Variants in FSTL5 observed in about 807,000 individuals in gnomAD.
The protein encoded by FSTL5 is follistatin-related protein 5.
In FSTL5, 62 loss-of-function variants were observed where a neutral mutation model predicts 89.1. The observed-to-expected ratio is 0.70, with a 90% CI of 0.57 to 0.86. The LOEUF (loss-of-function observed/expected upper bound fraction) is 0.86, where lower values mean the gene tolerates loss of function less well. Among genes scored for constraint, FSTL5 ranks in the 40% least tolerant of loss-of-function variants. The pLI is 0.00. For missense variants in FSTL5, 1,057 were observed against 1,001.6 expected (o/e 1.06, Z -0.75); for synonymous variants, 383 against 346.2 (o/e 1.11, Z -1.18).
chr4:161,924,987 G>A (rs867506483), intron 3 of FSTL5, among the ~76,000 whole-genome samples: 11 of 151,810 alleles, frequency 7.2e-5, no homozygotes, highest in African/African-American at 2.7e-4. Context: ...AACAGAATTT[G>A]AGTCTTTGCT....
intron 4 of FSTL5, among the ~76,000 whole-genome samples, chr4:161,852,188 T>C (rs1452441820): frequency 3.3e-5 from 5 of 151,828 alleles, no homozygotes; most frequent in Non-Finnish European, 5.9e-5. Flanking sequence ...AAAATATATA[T>C]ATATATATTT....
At chr4:161,572,640 T>G (rs1005885994) in intron 8 of FSTL5, among the ~76,000 whole-genome samples, 1 of 152,140 alleles carries the variant, frequency 6.6e-6, no homozygotes, top group Non-Finnish European at 1.5e-5. Flanking sequence ...TCTAGAAAAT[T>G]TTTAAAGCTT....
chr4:161,661,484 C>A (rs1210772780), intron 6 of FSTL5, among the ~76,000 whole-genome samples: 1 of 151,550 alleles, frequency 6.6e-6, no homozygotes, highest in African/African-American at 2.4e-5. Flanking sequence ...AGAAATAGAT[C>A]AAAAAAAGAA....
At chr4:162,110,510 G>A (rs964862233) in intron 2 of FSTL5, among the ~76,000 whole-genome samples, 9 of 151,694 alleles carry the variant, frequency 5.9e-5, no homozygotes, top group Non-Finnish European at 1.0e-4. Flanking sequence ...AGTTGAATAC[G>A]AAATTTTACA....
intron 3 of FSTL5, among the ~76,000 whole-genome samples, chr4:161,937,604 A>G (rs1734467083): frequency 6.6e-6 from 1 of 152,156 alleles, no homozygotes; most frequent in African/African-American, 2.4e-5. Context: ...AGCAACAGGG[A>G]AGTCTAGAAG....
Position 161,938,453 on chromosome 4 carries a change from T to C in FSTL5, c.161-17801A>G, listed in dbSNP as rs1376968079. Among the ~76,000 whole-genome samples, 6 of 152,132 alleles carry C rather than the reference T, an allele frequency of 3.9e-5. No individual in the cohort carries two copies. In the East Asian group the frequency reaches 5.8e-4, roughly 15 times the overall value. On this transcript the variant is annotated intron_variant, in intron 3 of 15. Coordinates refer to ENST00000306100, the MANE Select transcript of FSTL5 (RefSeq NM_020116.5). Reference sequence around the variant, plus strand: ...TTATATATAAACATATAGGTAGATATGGATATCCAGCAAAAATGATTCTTT... The same window carrying C: ...TTATATATAAACATATAGGTAGATACGGATATCCAGCAAAAATGATTCTTT...
intron 4 of FSTL5, among the ~76,000 whole-genome samples, chr4:161,838,335 G>A (rs955093628): frequency 2.0e-5 from 3 of 152,178 alleles, no homozygotes; most frequent in Non-Finnish European, 4.4e-5. Flanking sequence ...CTGGAGCGCA[G>A]AGGCGTGATC....
chr4:161,911,743 AAATT>A (rs1304739248), intron 4 of FSTL5, among the ~76,000 whole-genome samples: 2 of 152,220 alleles, frequency 1.3e-5, no homozygotes, highest in East Asian at 3.8e-4. Context: ...TTACTGCATT[AAATT>A]AATTTTTTAA....
chr4:161,551,758 G>A (rs1732222014), intron 8 of FSTL5, among the ~76,000 whole-genome samples: 1 of 151,910 alleles, frequency 6.6e-6, no homozygotes, highest in Non-Finnish European at 1.5e-5. Flanking sequence ...TTTAATAAAT[G>A]GTGCTGGGAA....
intron 6 of FSTL5, among the ~76,000 whole-genome samples, chr4:161,756,758 A>G (rs1261969285): frequency 2.0e-5 from 3 of 152,176 alleles, no homozygotes; most frequent in African/African-American, 7.2e-5. Context: ...GCTGGCTATC[A>G]TAAAAATAAC....
intron 4 of FSTL5, among the ~76,000 whole-genome samples, chr4:161,802,923 A>G (rs1164885035): frequency 1.3e-5 from 2 of 151,900 alleles, no homozygotes; most frequent in African/African-American, 4.8e-5. Flanking sequence ...TTGAAAAGTA[A>G]TTTTCTCTAA....
intron 6 of FSTL5, among the ~76,000 whole-genome samples, chr4:161,724,820 TACTC>T (rs1351703883): frequency 1.3e-5 from 2 of 152,168 alleles, no homozygotes; most frequent in Non-Finnish European, 2.9e-5. Flanking sequence ...AATATAAAAG[TACTC>T]AATGCAAAAA....
chr4:161,659,525 T>C (rs1736635584), intron 6 of FSTL5, among the ~76,000 whole-genome samples: 1 of 152,224 alleles, frequency 6.6e-6, no homozygotes, highest in African/African-American at 2.4e-5. Flanking sequence ...ATTTTTATTC[T>C]TAAATTATAT....
rs187534182 is a variant in FSTL5, at chr4:161,691,151, T to G, written c.728-34657A>C. Reference sequence around the variant, plus strand: ...TAAGGTCAGGAATATTTGCCCCTGTTTTTTTTTCTAAAAATTCTATAGATT... The same window carrying G: ...TAAGGTCAGGAATATTTGCCCCTGTGTTTTTTTCTAAAAATTCTATAGATT... On this transcript the variant is annotated intron_variant, in intron 6 of 15. Transcript: ENST00000306100. 6.0e-3 allele frequency among the ~76,000 whole-genome samples: 915 copies of G among 152,168 alleles called. 12 individuals are homozygous for G. The highest frequency in any genetic ancestry group is 0.047 in the South Asian group (227 of 4,824).
chr4:162,037,866 A>G (rs1233736304), intron 2 of FSTL5, among the ~76,000 whole-genome samples: 1 of 151,942 alleles, frequency 6.6e-6, no homozygotes, highest in Non-Finnish European at 1.5e-5. Context: ...ATTTGCTTCT[A>G]TTACTTTAAT....
intron 7 of FSTL5, among the ~76,000 whole-genome samples, chr4:161,608,052 T>C (rs1397458444): frequency 4.6e-5 from 7 of 152,150 alleles, no homozygotes; most frequent in Non-Finnish European, 8.8e-5. Flanking sequence ...TTTTAAGAAA[T>C]TGGAGAAATT....
chr4:161,395,871 G>C (rs1393402790), intron 15 of FSTL5, among the ~76,000 whole-genome samples: 1 of 152,128 alleles, frequency 6.6e-6, no homozygotes, highest in Non-Finnish European at 1.5e-5. Flanking sequence ...CCTCAAGAGA[G>C]AGACAAACAG....
At chr4:161,507,275 C>T (rs1297560026) in intron 11 of FSTL5, among the ~76,000 whole-genome samples, 1 of 151,468 alleles carries the variant, frequency 6.6e-6, no homozygotes, top group Non-Finnish European at 1.5e-5. Flanking sequence ...ATCTAATTGC[C>T]ACAAAATAAA....
intron 4 of FSTL5, among the ~76,000 whole-genome samples, chr4:161,902,238 T>G (rs1487430346): frequency 2.0e-5 from 3 of 152,206 alleles, no homozygotes; most frequent in Non-Finnish European, 2.9e-5. Flanking sequence ...TTATACCTAA[T>G]CTATCAACTA....
Sources: allele counts gnomAD v4.1 joint callset (sites outside exome capture counted in the v4.1 genomes callset), GRCh38; gene constraint gnomAD v4.1.1; transcripts MANE v1.5; gene names NCBI Gene and HGNC (gene_info 2026-07-23, HGNC 2026-07-21).